MACO1: variants seen among roughly 807,000 people sequenced by gnomAD.
The protein encoded by MACO1 is macoilin 1, also known as macoilin.
MACO1 carries 14 observed loss-of-function variants against 78.7 expected under a neutral mutation model. That is an observed-to-expected ratio of 0.18 (90% CI 0.12 to 0.28). The LOEUF is 0.28. MACO1 is among the 10% of genes least tolerant of loss of function. The pLI, the probability that MACO1 is intolerant of heterozygous loss-of-function variation, is 1.00. For synonymous variants in MACO1, 288 were observed against 291.6 expected, an observed-to-expected ratio of 0.99 and a Z score of 0.12; for missense variants, 501 against 799.0, an observed-to-expected ratio of 0.63 and a Z score of 4.50.
At chr1:25,457,701 T>G (rs146681318) in intron 5 of MACO1, among the ~76,000 whole-genome samples, 15 of 152,336 alleles carry the variant, frequency 9.8e-5, no homozygotes, top group Admixed American at 6.5e-4. Context: ...CTAGTTTCCA[T>G]TGGTTTGAAA....
intron 1 of MACO1, among the ~76,000 whole-genome samples, 181 bp downstream of exon 1, chr1:25,431,359 C>T (rs935290444): frequency 1.3e-4 from 19 of 146,274 alleles, no homozygotes; most frequent in African/African-American, 4.4e-4. Flanking sequence ...GTGCGCGGGG[C>T]GTGGCGAGGG....
intron 1 of MACO1, among the ~76,000 whole-genome samples, chr1:25,441,554 G>A (rs1203266194): frequency 3.9e-5 from 6 of 152,220 alleles, no homozygotes; most frequent in Non-Finnish European, 8.8e-5. Flanking sequence ...GGGCACTAAG[G>A]AGATAAAACA....
At chr1:25,450,402 G>A (rs9438910) in intron 3 of MACO1, among the ~76,000 whole-genome samples, 11,167 of 152,064 alleles carry the variant, frequency 0.073, 1,344 homozygotes, top group African/African-American at 0.25. Context: ...TCAGCCCACC[G>A]TGAAAGCCAG....
chr1:25,484,820 G>A (rs1241698126), intron 7 of MACO1, among the ~76,000 whole-genome samples: 6 of 152,164 alleles, frequency 3.9e-5, no homozygotes, highest in South Asian at 4.1e-4. Context: ...ATGTGTGCCC[G>A]TGGTAGTGAT....
chr1:25,478,043 C>G (rs1041846786), intron 6 of MACO1, among the ~76,000 whole-genome samples: 1 of 152,166 alleles, frequency 6.6e-6, no homozygotes, highest in Non-Finnish European at 1.5e-5. Context: ...TTCAGGAGTT[C>G]AAGACCACCT....
rs543634464 is a variant in MACO1 at position 25,431,736 on chromosome 1, C to G, written c.80+558C>G. On this transcript the variant is annotated intron_variant, in intron 1 of 10. Coordinates refer to ENST00000374343, the MANE Select transcript of MACO1 (RefSeq NM_018202.6). ...TGTCACTTCTTTCACCTTCTGCTTC[C>G]CATATGGGATCTCAAACTTGGCACC... Among the ~76,000 whole-genome samples the G allele has an allele frequency of 3.9e-5, 6 of 152,312 alleles. No homozygotes were observed. The East Asian group carries it at 9.7e-4, about 25-fold the overall frequency.
At chr1:25,479,101 T>A (rs1279719940) in intron 6 of MACO1, among the ~76,000 whole-genome samples, 1 of 152,214 alleles carries the variant, frequency 6.6e-6, no homozygotes, top group South Asian at 2.1e-4. Context: ...CTGCTGAGAT[T>A]AGTTTCAAGG....
At chr1:25,459,250 C>T (rs1338443089) in intron 6 of MACO1, among the ~76,000 whole-genome samples, 3 of 151,624 alleles carry the variant, frequency 2.0e-5, no homozygotes, top group East Asian at 3.9e-4. Flanking sequence ...TGCTTGTTCA[C>T]GCAAATCTCT....
intron 1 of MACO1, among the ~76,000 whole-genome samples, chr1:25,440,801 A>G (rs1284212585): frequency 6.6e-6 from 1 of 151,666 alleles, no homozygotes; most frequent in Non-Finnish European, 1.5e-5. Flanking sequence ...GTAACAATAA[A>G]TTAATAAATT....
At chr1:25,434,358 T>C (rs768102771) in intron 1 of MACO1, among the ~76,000 whole-genome samples, 1 of 152,150 alleles carries the variant, frequency 6.6e-6, no homozygotes, top group Admixed American at 6.5e-5. Flanking sequence ...AAATGTTGAG[T>C]GAGTAAATTA....
At chr1:25,455,874 G>A (rs1458226814) in intron 4 of MACO1, among the ~76,000 whole-genome samples, 3 of 152,036 alleles carry the variant, frequency 2.0e-5, no homozygotes, top group Admixed American at 2.0e-4. Context: ...CTGCCTTCTA[G>A]TATTGAAAAT....
chr1:25,478,510 G>T (rs1259526282), intron 6 of MACO1, among the ~76,000 whole-genome samples: 1 of 152,228 alleles, frequency 6.6e-6, no homozygotes, highest in Non-Finnish European at 1.5e-5. Flanking sequence ...AAGGTTTGGA[G>T]TAAGAGTGAT....
At chr1:25,496,275 A>G (rs183554209) in intron 10 of MACO1, among the ~76,000 whole-genome samples, 42 of 151,988 alleles carry the variant, frequency 2.8e-4, no homozygotes, top group African/African-American at 9.4e-4. Flanking sequence ...AGCCTTCTGA[A>G]TAGCTAGGAT....
chr1:25,454,888 A>G (rs2043106091), intron 4 of MACO1, among the ~76,000 whole-genome samples: 1 of 152,172 alleles, frequency 6.6e-6, no homozygotes, highest in African/African-American at 2.4e-5. Context: ...GCAGTACAGC[A>G]TGGTTGGAAA....
chr1:25,433,039 G>A (rs561664084), intron 1 of MACO1, among the ~76,000 whole-genome samples: 1 of 152,142 alleles, frequency 6.6e-6, no homozygotes, highest in South Asian at 2.1e-4. Flanking sequence ...AATACTCTTT[G>A]CAAGTTATTC....
rs559961081 is a variant in MACO1 at position 25,455,447 on chromosome 1, C to A, written c.473+1065C>A. Among the ~76,000 whole-genome samples, 585 of 152,204 alleles carry A rather than the reference C, an allele frequency of 3.8e-3. 3 individuals are homozygous for A. Among genetic ancestry groups the A allele is most frequent in the African/African-American group, 0.014 (561 of 41,526 alleles). On this transcript the variant is annotated intron_variant, in intron 4 of 10. Transcript: ENST00000374343. ...AAATACTGTTTCCAGTATTTTTAGT[C>A]TTTTTACAAACAAGTAAATTAAATG...
intron 1 of MACO1, among the ~76,000 whole-genome samples, chr1:25,440,648 A>G (rs1425690930): frequency 1.3e-5 from 2 of 151,784 alleles, no homozygotes; most frequent in Admixed American, 1.3e-4. Context: ...AGGCACCTGT[A>G]ATCCCAGCTA....
intron 2 of MACO1, among the ~76,000 whole-genome samples, chr1:25,447,588 A>G (rs949745842): frequency 6.6e-6 from 1 of 152,354 alleles, no homozygotes; most frequent in Admixed American, 6.5e-5. Flanking sequence ...ATTTGGCTCA[A>G]TGGAAGACAC....
chr1:25,486,630 G>A (rs1009322296), intron 8 of MACO1, among the ~76,000 whole-genome samples: 2 of 152,076 alleles, frequency 1.3e-5, no homozygotes, highest in African/African-American at 4.8e-5. Context: ...ATTTTGCTTT[G>A]TCGTAATTAA....
Sources: gnomAD v4.1 joint callset for allele counts (sites outside exome capture counted in the v4.1 genomes callset) on GRCh38, gnomAD v4.1.1 for gene constraint, MANE v1.5 for transcripts, NCBI Gene and HGNC (gene_info 2026-07-23, HGNC 2026-07-21) for gene names.